Variants in CNIH3 observed in about 807,000 individuals in gnomAD.
CNIH3 encodes the protein protein cornichon homolog 3.
In CNIH3, 14 loss-of-function variants were observed where a neutral mutation model predicts 24.1. The ratio of observed to expected loss-of-function variants is 0.58; its 90% confidence interval spans 0.38 to 0.91. The LOEUF is 0.91. Among genes scored for constraint, CNIH3 ranks in the 40% least tolerant of loss-of-function variants. CNIH3 has a pLI of 0.00. For synonymous variants in CNIH3, 68 were observed against 73.8 expected, an observed-to-expected ratio of 0.92 and a Z score of 0.40; for missense variants, 178 against 196.8, an observed-to-expected ratio of 0.90 and a Z score of 0.57.
chr1:224,608,792 T>A (rs927300402), intron 3 of CNIH3, among the ~76,000 whole-genome samples: 3 of 152,194 alleles, frequency 2.0e-5, no homozygotes, highest in African/African-American at 7.2e-5. Flanking sequence ...ACATGCACAG[T>A]GGCCTGCCAG....
chr1:224,491,164 G>T (rs1288122750), intron 1 of CNIH3, among the ~76,000 whole-genome samples: 1 of 152,142 alleles, frequency 6.6e-6, no homozygotes, highest in East Asian at 1.9e-4. Flanking sequence ...GCTTTAACAG[G>T]CCCTTATTAG....
rs141854433 is a variant in CNIH3 at position 224,631,437 on chromosome 1, G to A, written c.81+14182G>A. Among the ~76,000 whole-genome samples, 630 of 152,306 alleles carry A rather than the reference G, an allele frequency of 4.1e-3. 5 individuals are homozygous for A. Among genetic ancestry groups the A allele is most frequent in the African/African-American group, 0.014 (601 of 41,566 alleles). ...GCTGGTTCAGAAGTCTGTGGTTGTT[G>A]GTGAGTCCCTGGCATTAGGGATTTC... is the stretch of plus-strand genomic sequence containing the variant. On this transcript the variant is annotated intron_variant, in intron 1 of 5. Transcript: ENST00000272133.
At chr1:224,584,867 T>C (rs888073728) in intron 5 of CNIH3, among the ~76,000 whole-genome samples, 1 of 152,198 alleles carries the variant, frequency 6.6e-6, no homozygotes, top group Admixed American at 6.5e-5. Flanking sequence ...ATTAAGTCTA[T>C]GAGGATAGGA....
At chr1:224,714,857 T>C (rs1350667286) in intron 3 of CNIH3, among the ~76,000 whole-genome samples, 1 of 152,184 alleles carries the variant, frequency 6.6e-6, no homozygotes, top group Non-Finnish European at 1.5e-5. Context: ...TATAAATGGT[T>C]GTTTGCATTC....
intron 1 of CNIH3, among the ~76,000 whole-genome samples, chr1:224,632,840 T>C (rs1041340275): frequency 1.3e-5 from 2 of 152,194 alleles, no homozygotes; most frequent in African/African-American, 4.8e-5. Context: ...CATCCTTTCC[T>C]CTTATTGGTT....
chr1:224,559,995 C>T (rs1206409493), intron 3 of CNIH3, among the ~76,000 whole-genome samples: 1 of 152,106 alleles, frequency 6.6e-6, no homozygotes, highest in East Asian at 1.9e-4. Context: ...ATATTTATAA[C>T]TTTATATAAT....
downstream of CNIH3, among the ~76,000 whole-genome samples, chr1:224,590,443 A>G (rs1282517921): frequency 2.0e-5 from 3 of 152,188 alleles, no homozygotes; most frequent in Non-Finnish European, 2.9e-5. Flanking sequence ...TTGTGCTGCT[A>G]TATCAGAATA....
rs551140185 is a variant in CNIH3 at position 224,439,681 on chromosome 1, G to A, written n.203+4819G>A. Among the ~76,000 whole-genome samples the A allele has an allele frequency of 4.6e-5, 7 of 152,056 alleles. No individual in the cohort carries two copies. In the South Asian group the frequency reaches 6.2e-4, roughly 14 times the overall value. The stretch of plus-strand genomic sequence containing the variant: ...GGCTGGAGTGCAGTGGCGCAATCTC[G>A]GCTCACTGCAACCTCAGCCTCCCAG... On this transcript the variant is annotated intron_variant and non_coding_transcript_variant, in intron 1 of 5. Transcript: ENST00000471578.
At chr1:224,671,978 G>A (rs1685887600) in intron 1 of CNIH3, among the ~76,000 whole-genome samples, 1 of 151,814 alleles carries the variant, frequency 6.6e-6, no homozygotes, top group Non-Finnish European at 1.5e-5. Context: ...ACTAGTTTCA[G>A]GCATAAAACT....
At chr1:224,514,319 G>C (rs1454375798), upstream of CNIH3, among the ~76,000 whole-genome samples, 1 of 152,106 alleles carries the variant, frequency 6.6e-6, no homozygotes, top group Non-Finnish European at 1.5e-5. Flanking sequence ...TAGAGTTTCA[G>C]ACCTGGGCAC....
intron 1 of CNIH3, among the ~76,000 whole-genome samples, chr1:224,454,532 C>G (rs984452908): frequency 1.3e-5 from 2 of 152,108 alleles, no homozygotes; most frequent in African/African-American, 4.8e-5. Context: ...TCGACAGGCA[C>G]AGCTATTTGT....
At chr1:224,682,977 C>G (rs569485994) in intron 2 of CNIH3, among the ~76,000 whole-genome samples, 1 of 152,140 alleles carries the variant, frequency 6.6e-6, no homozygotes, top group Admixed American at 6.5e-5. Context: ...TTTGTGGAAC[C>G]CTTTCCATCT....
chr1:224,454,387 G>A (rs1558075031), intron 1 of CNIH3: 8 of 869,880 alleles, frequency 9.2e-6, no homozygotes, highest in Non-Finnish European at 9.6e-6. Flanking sequence ...GAACATAATT[G>A]AAATGTCATA....
chr1:224,585,399 T>C (rs1681457216), intron 5 of CNIH3, among the ~76,000 whole-genome samples: 2 of 152,186 alleles, frequency 1.3e-5, no homozygotes, highest in Admixed American at 1.3e-4. Context: ...AGGGACCACA[T>C]GTGTGCTTCC....
At chr1:224,679,965 T>C (rs1686321777) in intron 1 of CNIH3, among the ~76,000 whole-genome samples, 1 of 152,098 alleles carries the variant, frequency 6.6e-6, no homozygotes, top group South Asian at 2.1e-4. Context: ...CATGCCACTA[T>C]ACCCAGCTAA....
intron 1 of CNIH3, among the ~76,000 whole-genome samples, chr1:224,451,965 T>C: frequency 6.6e-6 from 1 of 152,222 alleles, no homozygotes; most frequent in East Asian, 1.9e-4. Context: ...TGGCTTCTGC[T>C]TCTATACAGG....
In CNIH3 at chr1:224,548,615, C is replaced by T. The variant is rs115962010; in HGVS notation, n.450+1676C>T. Among the ~76,000 whole-genome samples, 1,473 of 152,002 alleles carry T rather than the reference C, an allele frequency of 9.7e-3. 11 individuals are homozygous for T. The highest frequency in any genetic ancestry group is 0.016 in the Non-Finnish European group (1,085 of 67,926). The stretch of plus-strand genomic sequence containing the variant: ...TGTTCCTAATATCATAGTGGGAGTA[C>T]ACTCTGTGTGTACATCCTGTAATAT... On this transcript the variant is annotated intron_variant and non_coding_transcript_variant, in intron 3 of 5. Transcript: ENST00000471578.
intron 1 of CNIH3, among the ~76,000 whole-genome samples, chr1:224,649,112 G>A (rs1174305580): frequency 5.3e-5 from 8 of 152,328 alleles, no homozygotes; most frequent in African/African-American, 1.7e-4. Flanking sequence ...TGGAACCTGA[G>A]ACTGTTACAT....
intron 3 of CNIH3, among the ~76,000 whole-genome samples, chr1:224,594,423 G>A (rs966960430): frequency 2.6e-5 from 4 of 152,174 alleles, no homozygotes; most frequent in Admixed American, 2.0e-4. Context: ...TGTCTATAGT[G>A]GGTACTGTTC....
Sources: gnomAD v4.1 joint callset for allele counts (sites outside exome capture counted in the v4.1 genomes callset) on GRCh38, gnomAD v4.1.1 for gene constraint, MANE v1.5 for transcripts, NCBI Gene and HGNC (gene_info 2026-07-23, HGNC 2026-07-21) for gene names.